The following CACNA1C variants were observed in gnomAD, a reference collection of about 807,000 sequenced individuals.
The protein encoded by CACNA1C is calcium voltage-gated channel subunit alpha1 C.
In CACNA1C, 30 loss-of-function variants were observed where a neutral mutation model predicts 229.0. The observed-to-expected ratio is 0.13, with a 90% CI of 0.10 to 0.18. The LOEUF is 0.18. Ranked by LOEUF, CACNA1C falls within the 10% of genes least tolerant of loss-of-function variation. The pLI is 1.00. For synonymous variants in CACNA1C, 1,114 were observed against 1,132.5 expected (o/e 0.98, Z 0.33); for missense variants, 1,658 against 2,845.0 (o/e 0.58, Z 9.49).
chr12:2,445,363 CTT>C (rs1416528949), intron 3 of CACNA1C, among the ~76,000 whole-genome samples: 1 of 152,216 alleles, frequency 6.6e-6, no homozygotes, highest in African/African-American at 2.4e-5. Flanking sequence ...GTTTCTGAGA[CTT>C]TTTCCTCAAG....
chr12:2,463,553 A>G (rs2099530059), intron 5 of CACNA1C, among the ~76,000 whole-genome samples: 1 of 152,210 alleles, frequency 6.6e-6, no homozygotes, highest in Admixed American at 6.5e-5. Context: ...TGCATTGGGG[A>G]CACCATACTT....
Position 2,691,450 on chromosome 12 carries a change from C to A in CACNA1C, c.*251C>A. ...GCGCGAGGAAGGCGCCTGCCCTCTC[C>A]CAGCTCGCAGGCCCCGGGCCCGGCC... On this transcript the variant is annotated 3_prime_UTR_variant, in exon 47 of 47. Transcript: ENST00000399655. The A allele has an allele frequency of 5.1e-6, 2 of 388,970 alleles. No homozygotes were observed. Among genetic ancestry groups the A allele is most frequent in the Non-Finnish European group, 9.0e-6 (2 of 223,060 alleles). 24.1% of individuals were successfully genotyped at this position (388,970 alleles called of 1,614,324 possible). A position where few individuals can be genotyped will look rare whatever the true frequency, so the allele number is the denominator to read the frequency against.
intron 9 of CACNA1C, among the ~76,000 whole-genome samples, chr12:2,536,242 C>A (rs2239114): frequency 1.3e-5 from 2 of 151,724 alleles, no homozygotes; most frequent in Non-Finnish European, 2.9e-5. Flanking sequence ...GAGAACAAAT[C>A]GTGAGCTCTG....
At chr12:2,269,717 G>T (rs2083996842) in intron 3 of CACNA1C, 1 of 152,228 alleles carries the variant, frequency 6.6e-6, no homozygotes, top group Non-Finnish European at 1.5e-5. Context: ...ACGGAACAGA[G>T]TTTCTTGAGG....
chr12:2,154,496 C>A (rs1291000487), intron 3 of CACNA1C, among the ~76,000 whole-genome samples: 1 of 152,218 alleles, frequency 6.6e-6, no homozygotes, highest in Non-Finnish European at 1.5e-5. Flanking sequence ...ATGAGGGAGA[C>A]TCCTCACCCG....
intron 1 of CACNA1C, among the ~76,000 whole-genome samples, chr12:2,002,639 C>G (rs1328505924): frequency 6.6e-6 from 1 of 152,202 alleles, no homozygotes; most frequent in Non-Finnish European, 1.5e-5. Flanking sequence ...GCTCTACTCT[C>G]TTTATACTGA....
At chr12:2,648,625 G>A (rs1376473302) in intron 31 of CACNA1C, 118 bp downstream of exon 31, 3 of 839,956 alleles carry the variant, frequency 3.6e-6, no homozygotes, top group African/African-American at 1.7e-5. Flanking sequence ...ACTGCATGTG[G>A]CCACTGTGTC....
intron 5 of CACNA1C, among the ~76,000 whole-genome samples, chr12:2,465,937 A>G (rs1164248148): frequency 2.0e-5 from 3 of 152,056 alleles, no homozygotes; most frequent in Non-Finnish European, 4.4e-5. Context: ...GCTTGACACC[A>G]AACACTCTTT....
At chr12:2,304,900 G>GC (rs938105445) in intron 3 of CACNA1C, among the ~76,000 whole-genome samples, 7 of 152,356 alleles carry the variant, frequency 4.6e-5, no homozygotes, top group Middle Eastern at 3.4e-3. Flanking sequence ...AAGCCGCCAT[G>GC]CCCGGGGGCT....
chr12:2,469,139 A>G (rs2099576647), intron 5 of CACNA1C, among the ~76,000 whole-genome samples: 1 of 152,126 alleles, frequency 6.6e-6, no homozygotes, highest in Non-Finnish European at 1.5e-5. Flanking sequence ...TCACATCGGG[A>G]GGGGAAAAAC....
chr12:2,485,779 A>G (rs917175899), intron 5 of CACNA1C, among the ~76,000 whole-genome samples: 7 of 152,146 alleles, frequency 4.6e-5, no homozygotes, highest in African/African-American at 1.7e-4. Context: ...GCTCTAGGAG[A>G]AAAAGATGCT....
chr12:2,610,601 C>A lies in CACNA1C; in HGVS notation c.3619C>A (p.Gln1207Lys). Residue 1207 changes from glutamine (Q) to lysine (K), a missense_variant, in exon 28 of 47, where the codon CAG becomes AAG. Around this residue, in one of 20 missense-constraint regions of CACNA1C, gnomAD observed 67 missense variants for 106.4 expected, o/e 0.63. Transcript: ENST00000399655. ...RPLRRYIPKN[Q>K]HQYKVWYVVN... ...CCTGCGGAGGTACATCCCCAAGAAC[C>A]AGCACCAGTACAAAGTGTGGTACGT... is the stretch of plus-strand genomic sequence containing the variant. The A allele has an allele frequency of 1.2e-6, 2 of 1,614,166 alleles. No individual in the cohort carries two copies. Among genetic ancestry groups the A allele is most frequent in the Non-Finnish European group, 1.7e-6 (2 of 1,179,986 alleles).
chr12:2,229,533 G>A (rs2064077815), intron 3 of CACNA1C, among the ~76,000 whole-genome samples: 1 of 152,172 alleles, frequency 6.6e-6, no homozygotes, highest in South Asian at 2.1e-4. Context: ...AATAAAATAA[G>A]TTAAACACAC....
chr12:2,073,925 C>G (rs2062240208), intron 1 of CACNA1C, among the ~76,000 whole-genome samples: 1 of 152,056 alleles, frequency 6.6e-6, no homozygotes, highest in African/African-American at 2.4e-5. Flanking sequence ...TTGAAAGGAC[C>G]CTGAACCATT....
At chr12:2,659,470 A>G (rs2095593375) in intron 34 of CACNA1C, among the ~76,000 whole-genome samples, 1 of 152,210 alleles carries the variant, frequency 6.6e-6, no homozygotes. Context: ...CTGTTTGCAC[A>G]ACAGAATTGC....
intron 3 of CACNA1C, among the ~76,000 whole-genome samples, chr12:2,167,557 G>C (rs2096289618): frequency 6.6e-6 from 1 of 152,176 alleles, no homozygotes; most frequent in Non-Finnish European, 1.5e-5. Flanking sequence ...CCTCCATGGG[G>C]GGCAGAAGCT....
chr12:2,341,900 C>T (rs890693929), intron 3 of CACNA1C, among the ~76,000 whole-genome samples: 12 of 152,200 alleles, frequency 7.9e-5, no homozygotes, highest in Admixed American at 2.6e-4. Flanking sequence ...GCACAACCCA[C>T]ATAGCCCCAT....
At chr12:2,084,280 T>G (rs2066735586) in intron 1 of CACNA1C, among the ~76,000 whole-genome samples, 1 of 152,166 alleles carries the variant, frequency 6.6e-6, no homozygotes, top group African/African-American at 2.4e-5. Flanking sequence ...GAAGGGGACC[T>G]CACTAACTTC....
Position 2,338,259 on chromosome 12 carries a change from C to T in CACNA1C, c.478-110717C>T, listed in dbSNP as rs1463474930. Among the ~76,000 whole-genome samples, 6 of 152,294 alleles carry T rather than the reference C, an allele frequency of 3.9e-5. No individual in the cohort carries two copies. The East Asian group carries it at 1.2e-3, about 29-fold the overall frequency. On this transcript the variant is annotated intron_variant, in intron 3 of 46. Transcript: ENST00000399655. ...AATTAGCAGCAAACGTCTTCTGAAT[C>T]AGTAAGTCAGAGAATCGGTAAATGA...
Sources: gnomAD v4.1 joint callset for allele counts (sites outside exome capture counted in the v4.1 genomes callset) on GRCh38, gnomAD v4.1.1 for gene constraint, gnomAD v4.1.1 regional missense constraint, MANE v1.5 for transcripts, NCBI Gene and HGNC (gene_info 2026-07-23, HGNC 2026-07-21) for gene names.